Variants in RBFOX1 observed in about 807,000 individuals in gnomAD.
RBFOX1 encodes the protein RNA binding protein fox-1 homolog 1.
RBFOX1 carries 8 observed loss-of-function variants against 57.7 expected under a neutral mutation model. That is an observed-to-expected ratio of 0.14 (90% CI 0.08 to 0.25). RBFOX1 has a LOEUF of 0.25. Ranked by LOEUF, RBFOX1 falls within the 10% of genes least tolerant of loss-of-function variation. The pLI is 1.00. For missense variants in RBFOX1, 611 were observed against 548.5 expected (o/e 1.11, Z -1.14); for synonymous variants, 326 against 222.4 (o/e 1.47, Z -4.15).
chr16:6,864,989 C>CTTTTTTTTTT (rs1555544471), intron 3 of RBFOX1, among the ~76,000 whole-genome samples: 2 of 105,802 alleles, frequency 1.9e-5, no homozygotes, highest in African/African-American at 7.5e-5. Flanking sequence ...GTGGGTTTTT[C>CTTTTTTTTTT]TTTTTCTTTT....
At chr16:7,562,777 T>C (rs1392149116) in intron 5 of RBFOX1, among the ~76,000 whole-genome samples, 1 of 152,214 alleles carries the variant, frequency 6.6e-6, no homozygotes, top group Non-Finnish European at 1.5e-5. Context: ...CTCATCCCAC[T>C]GATCCTACAA....
chr16:5,503,518 A>G (rs577231407), intron 2 of RBFOX1, among the ~76,000 whole-genome samples: 4 of 152,324 alleles, frequency 2.6e-5, no homozygotes, highest in African/African-American at 9.6e-5. Context: ...ATCACGGCTC[A>G]CTGTAGCCTC....
At position 7,309,465 on chromosome 16, in the gene RBFOX1, A is replaced by G. The variant is rs546633100; in HGVS notation, c.28-208682A>G. 1.4e-4 allele frequency among the ~76,000 whole-genome samples: 22 copies of G among 152,296 alleles called. No homozygotes were observed. In the South Asian group the frequency reaches 3.3e-3, roughly 23 times the overall value. On this transcript the variant is annotated intron_variant, in intron 4 of 15. Transcript: ENST00000550418. ...GTGCCATTCGCCTGCTCTGCCTGCC[A>G]TTTTGAGGCAGTTTCTGTGTTATAA...
chr16:6,457,275 G>C (rs556556739), intron 2 of RBFOX1, among the ~76,000 whole-genome samples: 1 of 152,208 alleles, frequency 6.6e-6, no homozygotes, highest in Non-Finnish European at 1.5e-5. Flanking sequence ...GGAAAACTAC[G>C]TATTACAGAG....
intron 1 of RBFOX1, among the ~76,000 whole-genome samples, chr16:6,286,468 T>C (rs986274942): frequency 3.3e-5 from 5 of 152,228 alleles, no homozygotes; most frequent in African/African-American, 1.2e-4. Flanking sequence ...TCCTCCTTCA[T>C]ACATTGGAAG....
At chr16:6,039,200 G>C (rs939432915) in intron 1 of RBFOX1, among the ~76,000 whole-genome samples, 25 of 151,782 alleles carry the variant, frequency 1.6e-4, no homozygotes, top group African/African-American at 5.8e-4. Context: ...TGGAAGCCTG[G>C]TCGGGGCAAG....
intron 3 of RBFOX1, among the ~76,000 whole-genome samples, chr16:5,852,804 T>A (rs1169118551): frequency 1.3e-5 from 2 of 152,110 alleles, no homozygotes; most frequent in Middle Eastern, 3.4e-3. Context: ...CTCTCCAGCC[T>A]GGGTGACAGA....
At position 6,510,134 on chromosome 16, in the gene RBFOX1, A is replaced by C. The variant is rs543026776; in HGVS notation, c.-63-144469A>C. On this transcript the variant is annotated intron_variant, in intron 2 of 15. Coordinates refer to ENST00000550418, the MANE Select transcript of RBFOX1 (RefSeq NM_018723.4). The stretch of plus-strand genomic sequence containing the variant: ...CCTCTATCCTGAGCTCTTTGATGGG[A>C]GTCAGTAGAGAAAGAGAAGAGTGGA... Among the ~76,000 whole-genome samples the C allele has an allele frequency of 1.9e-4, 29 of 152,194 alleles. No individual in the cohort carries two copies. The South Asian group carries it at 6.0e-3, about 32-fold the overall frequency.
At chr16:7,117,333 T>G (rs1164158549) in intron 4 of RBFOX1, among the ~76,000 whole-genome samples, 1 of 152,164 alleles carries the variant, frequency 6.6e-6, no homozygotes, top group Non-Finnish European at 1.5e-5. Context: ...TCGGTGGTAA[T>G]GTGTCAACAA....
intron 1 of RBFOX1, among the ~76,000 whole-genome samples, chr16:5,304,146 T>C (rs999129654): frequency 6.6e-6 from 1 of 152,248 alleles, no homozygotes; most frequent in African/African-American, 2.4e-5. Flanking sequence ...TATCAGCCCT[T>C]AGGCTACCAA....
chr16:5,745,904 T>C (rs1280961248), intron 3 of RBFOX1, among the ~76,000 whole-genome samples: 3 of 152,202 alleles, frequency 2.0e-5, no homozygotes, highest in African/African-American at 4.8e-5. Context: ...TTGACTCTGA[T>C]GGTAGTTTCT....
chr16:5,518,748 C>G (rs765654011), intron 2 of RBFOX1, among the ~76,000 whole-genome samples: 2 of 152,118 alleles, frequency 1.3e-5, no homozygotes, highest in African/African-American at 4.8e-5. Context: ...GGTCCCTGTC[C>G]TGCATGAGGC....
intron 1 of RBFOX1, among the ~76,000 whole-genome samples, chr16:5,409,386 C>G (rs2066953690): frequency 6.6e-6 from 1 of 152,194 alleles, no homozygotes; most frequent in Admixed American, 6.5e-5. Flanking sequence ...CTAAAAGACC[C>G]TTTCTAATTT....
chr16:6,152,552 CTG>C (rs2096805024), intron 1 of RBFOX1, among the ~76,000 whole-genome samples: 2 of 152,180 alleles, frequency 1.3e-5, no homozygotes, highest in South Asian at 4.1e-4. Flanking sequence ...ATGCTTGTAT[CTG>C]TAGTCCAGAT....
At chr16:7,101,997 C>T (rs1396009930) in intron 4 of RBFOX1, among the ~76,000 whole-genome samples, 7 of 152,144 alleles carry the variant, frequency 4.6e-5, no homozygotes, top group Admixed American at 3.3e-4. Flanking sequence ...GACAAGGGTG[C>T]CGTTTTCCTT....
At chr16:5,395,623 G>T (rs1050725946) in intron 1 of RBFOX1, among the ~76,000 whole-genome samples, 9 of 152,204 alleles carry the variant, frequency 5.9e-5, no homozygotes, top group Non-Finnish European at 1.2e-4. Context: ...CCTGATGTCT[G>T]TGACTTTGTG....
chr16:6,765,685 A>C (rs530176360), intron 3 of RBFOX1, among the ~76,000 whole-genome samples: 298 of 152,322 alleles, frequency 2.0e-3, no homozygotes, highest in African/African-American at 6.1e-3. Context: ...GCCTGCTTGC[A>C]TATATTTATC....
chr16:6,991,676 A>G (rs953429339), intron 3 of RBFOX1, among the ~76,000 whole-genome samples: 3 of 152,052 alleles, frequency 2.0e-5, no homozygotes, highest in African/African-American at 7.2e-5. Flanking sequence ...AGCTGGGACC[A>G]CAGGCTTGTG....
intron 3 of RBFOX1, among the ~76,000 whole-genome samples, chr16:6,977,685 C>T (rs961504740): frequency 6.6e-6 from 1 of 152,094 alleles, no homozygotes; most frequent in African/African-American, 2.4e-5. Flanking sequence ...AGCACATTAG[C>T]ACTTGGTGAA....
Sources: allele counts gnomAD v4.1 joint callset (sites outside exome capture counted in the v4.1 genomes callset), GRCh38; gene constraint gnomAD v4.1.1; transcripts MANE v1.5; gene names NCBI Gene and HGNC (gene_info 2026-07-23, HGNC 2026-07-21).